The following ZFP90 variants were observed in gnomAD, a reference collection of about 807,000 sequenced individuals.
ZFP90 encodes the protein zinc finger protein 90 homolog.
Under a neutral mutation model 60.8 loss-of-function variants are expected in ZFP90, and 38 were observed. The observed-to-expected ratio is 0.62, with a 90% CI of 0.48 to 0.82. The LOEUF (loss-of-function observed/expected upper bound fraction) is 0.82. Among genes scored for constraint, ZFP90 ranks in the 40% least tolerant of loss-of-function variants. The pLI, the probability that ZFP90 is intolerant of heterozygous loss-of-function variation, is 0.00. For missense variants in ZFP90, 711 were observed against 759.1 expected (o/e 0.94, Z 0.74); for synonymous variants, 287 against 264.8 (o/e 1.08, Z -0.82).
In ZFP90 at chr16:68,566,921, G is replaced by T; in HGVS notation, c.*2223G>T. 1 of 985,566 alleles carries T rather than the reference G, an allele frequency of 1.0e-6. No homozygotes were observed. Among genetic ancestry groups the T allele is most frequent in the Non-Finnish European group, 1.2e-6 (1 of 829,954 alleles). The allele number at this position is 985,566 out of a possible 1,614,324, so 61.1% of individuals were successfully genotyped here. On this transcript the variant is annotated 3_prime_UTR_variant, in exon 5 of 5. Transcript: ENST00000563169. ...GAGTACTGGTTTGTGTTTGGTGCTTGGCCTAGATCCAGCCACCACTCTGAA... is the reference window on the plus strand; with the variant it reads ...GAGTACTGGTTTGTGTTTGGTGCTTTGCCTAGATCCAGCCACCACTCTGAA...
At position 68,565,490 on chromosome 16, in the gene ZFP90, C is replaced by T. The variant is rs2091511136; in HGVS notation, c.*792C>T. The T allele has an allele frequency of 1.0e-6, 1 of 985,456 alleles. No homozygotes were observed. The highest frequency in any genetic ancestry group is 4.7e-5 in the South Asian group (1 of 21,288). The allele number at this position is 985,456 out of a possible 1,614,324, so 61.0% of individuals were successfully genotyped here. A position where few individuals can be genotyped will look rare whatever the true frequency, so the allele number is the denominator to read the frequency against. On this transcript the variant is annotated 3_prime_UTR_variant, in exon 5 of 5. Coordinates refer to ENST00000563169, the MANE Select transcript of ZFP90 (RefSeq NM_001305203.2). ...TTTAAAGCAACTTCTTGGAGGCTTA[C>T]AAACCACAATTTAACAGAAACTGTA... is the stretch of plus-strand genomic sequence containing the variant.
downstream of ZFP90, among the ~76,000 whole-genome samples, chr16:68,568,118 G>C (rs1322581470): frequency 2.0e-5 from 3 of 152,124 alleles, no homozygotes; most frequent in African/African-American, 7.2e-5. Context: ...TTGTATTTGT[G>C]ATTATTTGGT....
intron 2 of ZFP90, among the ~76,000 whole-genome samples, chr16:68,543,297 C>G (rs918725553): frequency 6.6e-6 from 1 of 152,032 alleles, no homozygotes; most frequent in African/African-American, 2.4e-5. Flanking sequence ...TAAAAGATTG[C>G]CATGAATGAT....
intron 2 of ZFP90, among the ~76,000 whole-genome samples, chr16:68,555,498 G>A (rs1179752472): frequency 6.6e-6 from 1 of 152,146 alleles, no homozygotes; most frequent in African/African-American, 2.4e-5. Context: ...ATATTCAAAT[G>A]TCATCCATCT....
chr16:68,539,745 C>T lies in ZFP90; in HGVS notation c.-35-13C>T, dbSNP rs746416134. The T allele has an allele frequency of 2.6e-6, 4 of 1,543,354 alleles. No homozygotes were observed. Among genetic ancestry groups the T allele is most frequent in the African/African-American group, 1.4e-5 (1 of 73,620 alleles). ...TTGCAGCGGGGTGAGTGGGCCCTGT[C>T]CTTTCTCCCCAGCTCCTGCCCCGGA... On this transcript the variant is annotated splice_polypyrimidine_tract_variant and intron_variant, in intron 1 of 4. Coordinates refer to ENST00000563169, the MANE Select transcript of ZFP90 (RefSeq NM_001305203.2).
chr16:68,543,977 C>G (rs2091100144), intron 2 of ZFP90, among the ~76,000 whole-genome samples: 1 of 151,728 alleles, frequency 6.6e-6, no homozygotes, highest in Non-Finnish European at 1.5e-5. Flanking sequence ...CTCAGCCTCC[C>G]AAGTAGCTGG....
chr16:68,565,628 G>C lies in ZFP90; in HGVS notation c.*930G>C. ...AAGTCCCCTTATTGTACTTTTTATG[G>C]CATGCCCATGAAAAAGCACTTTCTT... On this transcript the variant is annotated 3_prime_UTR_variant, in exon 5 of 5. Coordinates refer to ENST00000563169, the MANE Select transcript of ZFP90 (RefSeq NM_001305203.2). 1.0e-6 allele frequency: 1 copy of C among 985,408 alleles called. No individual in the cohort carries two copies. The highest frequency in any genetic ancestry group is 1.7e-5 in the African/African-American group (1 of 57,296). 61.0% of individuals were successfully genotyped at this position (985,408 alleles called of 1,614,324 possible). A position where few individuals can be genotyped will look rare whatever the true frequency, so the allele number is the denominator to read the frequency against.
At chr16:68,568,605 A>G (rs2091551033), downstream of ZFP90, among the ~76,000 whole-genome samples, 3 of 152,216 alleles carry the variant, frequency 2.0e-5, no homozygotes, top group South Asian at 4.1e-4. Context: ...AAAGATGTTT[A>G]TTGAGGCAGT....
downstream of ZFP90, among the ~76,000 whole-genome samples, chr16:68,567,879 G>A (rs1352360990): frequency 6.6e-6 from 1 of 152,168 alleles, no homozygotes; most frequent in Admixed American, 6.5e-5. Flanking sequence ...TATTGATGGT[G>A]GTGATGCTTG....
intron 2 of ZFP90, among the ~76,000 whole-genome samples, chr16:68,540,164 C>T (rs549703971): frequency 6.6e-6 from 1 of 152,148 alleles, no homozygotes; most frequent in Admixed American, 6.6e-5. Flanking sequence ...CAGGATGGAA[C>T]ACTGTAGAGG....
chr16:68,543,931 C>T (rs1264598956), intron 2 of ZFP90, among the ~76,000 whole-genome samples: 2 of 149,222 alleles, frequency 1.3e-5, no homozygotes, highest in Non-Finnish European at 2.9e-5. Flanking sequence ...TGTCTCGCTG[C>T]AACCTCTGCC....
chr16:68,546,050 C>T lies in ZFP90; in HGVS notation c.33+6225C>T, dbSNP rs574317426. 1.2e-4 allele frequency among the ~76,000 whole-genome samples: 18 copies of T among 152,254 alleles called. No homozygotes were observed. In the South Asian group the frequency reaches 3.7e-3, roughly 32 times the overall value. Reference sequence around the variant, plus strand: ...ATTAGCCAGGTGTGGAGGCACACGCCTGTAATCCCAGCTACTTGGGAGGCT... The same window carrying T: ...ATTAGCCAGGTGTGGAGGCACACGCTTGTAATCCCAGCTACTTGGGAGGCT... On this transcript the variant is annotated intron_variant, in intron 2 of 4. Transcript: ENST00000563169.
At chr16:68,543,305 GA>G (rs1384844132) in intron 2 of ZFP90, among the ~76,000 whole-genome samples, 1 of 152,178 alleles carries the variant, frequency 6.6e-6, no homozygotes, top group African/African-American at 2.4e-5. Flanking sequence ...TGCCATGAAT[GA>G]TGAATCCTAG....
rs773186144 is a variant in ZFP90, at chr16:68,564,235, C to G, written c.1448C>G (p.Ala483Gly). 5 of 1,613,928 alleles carry G rather than the reference C, an allele frequency of 3.1e-6. No individual in the cohort carries two copies. The East Asian group carries it at 1.1e-4, about 36-fold the overall frequency. Residue 483 changes from alanine (A) to glycine (G), a missense_variant, in exon 5 of 5, where the codon GCT becomes GGT. By Grantham distance (60) the Ala-to-Gly change is moderately conservative (BLOSUM62 0). This residue lies in a region of ZFP90 where 295 missense variants were observed against 274.0 expected (regional missense o/e 1.08). Transcript: ENST00000563169. ...GAGAACCCCTATGATTGTGAGCAGG[C>G]TTTTAGTCAGCAAGCTATTTCTCAT... ...TAENPYDCEQAFSQQAISHPG... is the reference protein window; with the variant it reads ...TAENPYDCEQGFSQQAISHPG...
intron 4 of ZFP90, among the ~76,000 whole-genome samples, chr16:68,560,541 A>G (rs138169194): frequency 0.12 from 5,194 of 44,802 alleles, 282 homozygotes; most frequent in African/African-American, 0.27. Context: ...ACTGGATTTT[A>G]TTTATTTATT....
At chr16:68,540,482 CATTT>C (rs1462943501) in intron 2 of ZFP90, among the ~76,000 whole-genome samples, 1 of 152,140 alleles carries the variant, frequency 6.6e-6, no homozygotes, top group Non-Finnish European at 1.5e-5. Flanking sequence ...TTCGTGAACC[CATTT>C]ATTCTTGTGG....
Position 68,566,471 on chromosome 16 carries a change from T to TGCA in ZFP90, c.*1780_*1782dup. The TGCA allele has an allele frequency of 1.0e-6, 1 of 985,578 alleles. No homozygotes were observed. Among genetic ancestry groups the TGCA allele is most frequent in the South Asian group, 4.7e-5 (1 of 21,286 alleles). The allele number at this position is 985,578 out of a possible 1,614,324, so 61.1% of individuals were successfully genotyped here. ...TGCCTTTCTCTCATCATGGATGGCATGCAGCAGCACCCAAGTATTCTTCAT... is the reference window on the plus strand; with the variant it reads ...TGCCTTTCTCTCATCATGGATGGCATGCAGCAGCAGCACCCAAGTATTCTTCAT... On this transcript the variant is annotated 3_prime_UTR_variant, in exon 5 of 5. Transcript: ENST00000563169.
intron 4 of ZFP90, among the ~76,000 whole-genome samples, chr16:68,560,834 G>T (rs2091429409): frequency 6.7e-6 from 1 of 150,212 alleles, no homozygotes; most frequent in Non-Finnish European, 1.5e-5. Flanking sequence ...AAAGTGCTGG[G>T]ATTACAAGCC....
chr16:68,542,416 C>T (rs757875968), intron 2 of ZFP90, among the ~76,000 whole-genome samples: 1 of 152,044 alleles, frequency 6.6e-6, no homozygotes, highest in Non-Finnish European at 1.5e-5. Flanking sequence ...CATGGTGAAA[C>T]CCTGTTTCCA....
Sources: gnomAD v4.1 joint callset for allele counts (sites outside exome capture counted in the v4.1 genomes callset) on GRCh38, gnomAD v4.1.1 for gene constraint, gnomAD v4.1.1 regional missense constraint, MANE v1.5 for transcripts, NCBI Gene and HGNC (gene_info 2026-07-23, HGNC 2026-07-21) for gene names.